The following PCDH11X variants were observed in gnomAD, a reference collection of about 807,000 sequenced individuals.
PCDH11X encodes the protein protocadherin 11 X-linked.
PCDH11X carries 18 observed loss-of-function variants against 53.3 expected under a neutral mutation model. The observed-to-expected ratio is 0.34, with a 90% CI of 0.23 to 0.50. The LOEUF is 0.50. Ranked by LOEUF, PCDH11X falls within the 20% of genes least tolerant of loss-of-function variation. The pLI is 0.98. For synonymous variants in PCDH11X, 279 were observed against 393.3 expected, an observed-to-expected ratio of 0.71 and a Z score of 3.44; for missense variants, 570 against 1,032.4, an observed-to-expected ratio of 0.55 and a Z score of 6.14.
At chrX:92,229,702 A>G (rs775065687) in intron 7 of PCDH11X, among the ~76,000 whole-genome samples, 62 of 111,772 alleles carry the variant, frequency 5.5e-4, no homozygotes, top group African/African-American at 1.9e-3. Context: ...TTAGGCATTC[A>G]GGCCATTGAC....
intron 6 of PCDH11X, among the ~76,000 whole-genome samples, chrX:92,034,147 A>T (rs1228671073): frequency 9.0e-6 from 1 of 111,310 alleles, no homozygotes; most frequent in Non-Finnish European, 1.9e-5. Flanking sequence ...GGATGTTTAA[A>T]GACCCATTTT....
intron 6 of PCDH11X, among the ~76,000 whole-genome samples, chrX:92,049,967 G>T (rs770737470): frequency 1.8e-5 from 2 of 111,548 alleles, no homozygotes; most frequent in South Asian, 7.5e-4. Context: ...TAGAGACGGG[G>T]TTTCGCCATG....
chrX:92,480,772 G>A (rs1237476823), intron 10 of PCDH11X, among the ~76,000 whole-genome samples: 1 of 111,742 alleles, frequency 8.9e-6, no homozygotes, highest in Admixed American at 9.5e-5. Flanking sequence ...TCTGATGGCT[G>A]GTGCCAGCCA....
chrX:92,148,723 G>A (rs2065374895), intron 6 of PCDH11X, among the ~76,000 whole-genome samples: 1 of 107,168 alleles, frequency 9.3e-6, no homozygotes, highest in African/African-American at 3.4e-5. Flanking sequence ...TCAGGAACTG[G>A]CCTTGGAAAC....
At chrX:92,274,066 T>C (rs750094439) in intron 8 of PCDH11X, among the ~76,000 whole-genome samples, 1 of 106,201 alleles carries the variant, frequency 9.4e-6, no homozygotes, top group African/African-American at 3.5e-5. Flanking sequence ...CAGAAGATAG[T>C]AGGGATGACA....
chrX:91,820,532 T>C (rs1436515881), intron 4 of PCDH11X, among the ~76,000 whole-genome samples: 4 of 98,591 alleles, frequency 4.1e-5, no homozygotes, highest in African/African-American at 8.9e-5. Flanking sequence ...TGTTTTTTTC[T>C]TGTAAATTTG....
chrX:91,837,389 A>G (rs1937342216), intron 5 of PCDH11X, among the ~76,000 whole-genome samples: 1 of 111,839 alleles, frequency 8.9e-6, no homozygotes, highest in African/African-American at 3.2e-5. Context: ...GTTCCTCAAA[A>G]AAACTAAAAT....
chrX:92,175,584 C>G (rs1343904703), intron 6 of PCDH11X, among the ~76,000 whole-genome samples: 1 of 108,642 alleles, frequency 9.2e-6, no homozygotes. Flanking sequence ...GGATAGACTT[C>G]CCTGAAAATT....
At chrX:91,851,747 A>G (rs1046354466) in intron 5 of PCDH11X, among the ~76,000 whole-genome samples, 1 of 111,879 alleles carries the variant, frequency 8.9e-6, no homozygotes, top group African/African-American at 3.2e-5. Context: ...TTGGATTTAC[A>G]TAAACCCAAG....
chrX:92,517,189 T>C (rs1406845729), intron 10 of PCDH11X, among the ~76,000 whole-genome samples: 1 of 111,055 alleles, frequency 9.0e-6, no homozygotes, highest in African/African-American at 3.3e-5. Context: ...TCCTATAACT[T>C]TTATCCTCCC....
intron 9 of PCDH11X, among the ~76,000 whole-genome samples, chrX:92,444,976 A>T (rs1168862906): frequency 4.4e-4 from 42 of 94,713 alleles, no homozygotes; most frequent in African/African-American, 1.5e-3. Context: ...TTTGTTGAGG[A>T]TTTTCATGTC....
chrX:92,335,406 G>A (rs761995145), intron 8 of PCDH11X, among the ~76,000 whole-genome samples: 176 of 108,771 alleles, frequency 1.6e-3, no homozygotes, highest in African/African-American at 5.6e-3. Context: ...TCAGGAATCT[G>A]AAAGTAATGT....
chrX:92,430,829 A>G (rs915671043), intron 9 of PCDH11X, among the ~76,000 whole-genome samples: 2 of 109,164 alleles, frequency 1.8e-5, no homozygotes, highest in African/African-American at 6.6e-5. Flanking sequence ...TCAGGTTTAC[A>G]ACTCTGTTTG....
chrX:92,057,598 T>A (rs1020020723), intron 6 of PCDH11X, among the ~76,000 whole-genome samples: 1 of 108,543 alleles, frequency 9.2e-6, no homozygotes, highest in Non-Finnish European at 1.9e-5. Context: ...GAAATAAAGA[T>A]CATTAATGGT....
rs193173606 is a variant in PCDH11X, at chrX:92,524,241, G to A, written c.3367+55919G>A. 4.7e-3 allele frequency among the ~76,000 whole-genome samples: 497 copies of A among 105,779 alleles called. 3 individuals carry two copies. The South Asian group carries it at 0.069, about 15-fold the overall frequency. The allele number at this position is 105,779 out of a possible 115,157, so 91.9% of individuals were successfully genotyped here. On this transcript the variant is annotated intron_variant, in intron 10 of 10. Coordinates refer to ENST00000682573, the MANE Select transcript of PCDH11X (RefSeq NM_032968.5). Reference sequence around the variant, plus strand: ...CAAAAGATCTCTTTTCCATCTTCTCGCTTTAAGTTGCTCTAGAGTTGCGAA... The same window carrying A: ...CAAAAGATCTCTTTTCCATCTTCTCACTTTAAGTTGCTCTAGAGTTGCGAA...
At chrX:92,184,653 T>C (rs1159285672) in intron 6 of PCDH11X, among the ~76,000 whole-genome samples, 1 of 111,261 alleles carries the variant, frequency 9.0e-6, no homozygotes, top group East Asian at 2.8e-4. Flanking sequence ...CAAGACAACA[T>C]AATAGAGAAC....
chrX:91,953,593 AAT>A (rs1415972542), intron 6 of PCDH11X, among the ~76,000 whole-genome samples: 14 of 110,828 alleles, frequency 1.3e-4, no homozygotes, highest in African/African-American at 4.0e-4. Flanking sequence ...TCTAACCACA[AAT>A]TGCTATCTAC....
chrX:92,299,846 G>C (rs1406977704), intron 8 of PCDH11X, among the ~76,000 whole-genome samples: 2 of 108,484 alleles, frequency 1.8e-5, no homozygotes, highest in African/African-American at 6.7e-5. Context: ...TTTTCTGATA[G>C]CTTTGTGGTT....
intron 8 of PCDH11X, among the ~76,000 whole-genome samples, chrX:92,367,397 G>A (rs1385275864): frequency 1.2e-4 from 13 of 110,924 alleles, no homozygotes; most frequent in Non-Finnish European, 1.9e-4. Flanking sequence ...ATCTTTGCAC[G>A]TGAGATGGGT....
Sources: gnomAD v4.1 joint callset for allele counts (sites outside exome capture counted in the v4.1 genomes callset) on GRCh38, gnomAD v4.1.1 for gene constraint, MANE v1.5 for transcripts, NCBI Gene and HGNC (gene_info 2026-07-23, HGNC 2026-07-21) for gene names.